The following WWOX variants were observed in gnomAD, a reference collection of about 807,000 sequenced individuals.
The protein encoded by WWOX is WW domain-containing oxidoreductase.
WWOX carries 69 observed loss-of-function variants against 46.2 expected under a neutral mutation model. The observed-to-expected ratio is 1.49, with a 90% confidence interval of 1.23 to 1.82. WWOX has a LOEUF of 1.82. Ranked by LOEUF, WWOX falls within the 40% of genes most tolerant of loss-of-function variation. WWOX has a pLI of 0.00. For synonymous variants in WWOX, 359 were observed against 202.6 expected (o/e 1.77, Z -6.56); for missense variants, 919 against 542.6 (o/e 1.69, Z -6.89).
intron 8 of WWOX, among the ~76,000 whole-genome samples, chr16:78,521,270 T>C (rs905190752): frequency 6.6e-6 from 1 of 152,330 alleles, no homozygotes; most frequent in African/African-American, 2.4e-5. Flanking sequence ...TTGCCCAGGC[T>C]GGTCTCTAAC....
chr16:78,286,564 C>T (rs1042324609), intron 5 of WWOX, among the ~76,000 whole-genome samples: 2 of 151,942 alleles, frequency 1.3e-5, no homozygotes, highest in African/African-American at 2.4e-5. Context: ...AAAATGTGAT[C>T]GTTGGATTCT....
chr16:78,408,675 A>C (rs1341017823), intron 6 of WWOX, among the ~76,000 whole-genome samples: 1 of 152,224 alleles, frequency 6.6e-6, no homozygotes, highest in Non-Finnish European at 1.5e-5. Context: ...GACCTTGTAA[A>C]AGGTCTTGGG....
At chr16:78,278,596 C>G (rs776903714) in intron 5 of WWOX, 1 of 1,607,396 alleles carries the variant, frequency 6.2e-7, no homozygotes, top group African/African-American at 1.3e-5. Flanking sequence ...TTGTTTGTAT[C>G]TTACAGAAAA....
chr16:78,965,035 C>T (rs1263347562), intron 8 of WWOX, among the ~76,000 whole-genome samples: 1 of 152,178 alleles, frequency 6.6e-6, no homozygotes, highest in African/African-American at 2.4e-5. Flanking sequence ...GATGCCCCAG[C>T]AAAAGTTTGC....
chr16:78,349,405 A>G (rs1278581130), intron 5 of WWOX, among the ~76,000 whole-genome samples: 1 of 121,314 alleles, frequency 8.2e-6, no homozygotes, highest in Admixed American at 8.0e-5. Context: ...GTTGGGGATG[A>G]GGCTATAACG....
intron 6 of WWOX, among the ~76,000 whole-genome samples, chr16:78,424,356 A>T (rs1395411305): frequency 6.6e-6 from 1 of 151,894 alleles, no homozygotes; most frequent in African/African-American, 2.4e-5. Flanking sequence ...CTGACCTAAA[A>T]TGGTCCACCT....
intron 8 of WWOX, among the ~76,000 whole-genome samples, chr16:79,170,977 T>G (rs1377697776): frequency 6.6e-6 from 1 of 152,172 alleles, no homozygotes; most frequent in African/African-American, 2.4e-5. Context: ...CTCCCCAATC[T>G]AAGAAAAATG....
chr16:78,795,864 A>C (rs1391628211), intron 8 of WWOX, among the ~76,000 whole-genome samples: 2 of 152,156 alleles, frequency 1.3e-5, no homozygotes, highest in African/African-American at 4.8e-5. Flanking sequence ...CAATAAATGC[A>C]ATAGATGTTG....
chr16:78,513,060 A>C (rs2085402088), intron 8 of WWOX, among the ~76,000 whole-genome samples: 1 of 152,162 alleles, frequency 6.6e-6, no homozygotes, highest in South Asian at 2.1e-4. Context: ...AGTTAAAGTT[A>C]AGTAGTAAAC....
chr16:78,248,601 C>T (rs114780070), intron 5 of WWOX, among the ~76,000 whole-genome samples: 86 of 151,896 alleles, frequency 5.7e-4, no homozygotes, highest in African/African-American at 1.9e-3. Flanking sequence ...CCAGGCGTGG[C>T]GGCACATACC....
At chr16:78,609,529 T>TC (rs2045847504) in intron 8 of WWOX, among the ~76,000 whole-genome samples, 1 of 151,654 alleles carries the variant, frequency 6.6e-6, no homozygotes, top group Non-Finnish European at 1.5e-5. Context: ...TTTTTTTTTT[T>TC]CTTTCTTTCT....
At chr16:78,532,803 C>A (rs2043654769) in intron 8 of WWOX, among the ~76,000 whole-genome samples, 1 of 152,130 alleles carries the variant, frequency 6.6e-6, no homozygotes, top group South Asian at 2.1e-4. Flanking sequence ...AGACCTGCCT[C>A]CATGATTCAG....
At chr16:79,062,675 T>C (rs1019044643) in intron 8 of WWOX, among the ~76,000 whole-genome samples, 1 of 152,164 alleles carries the variant, frequency 6.6e-6, no homozygotes, top group Non-Finnish European at 1.5e-5. Context: ...AAGTGACAGC[T>C]TCCTTTCCTA....
intron 8 of WWOX, among the ~76,000 whole-genome samples, chr16:79,081,907 C>G (rs1597357342): frequency 6.6e-6 from 1 of 152,148 alleles, no homozygotes; most frequent in South Asian, 2.1e-4. Context: ...GGCGAGTTCA[C>G]TCACAGTGAA....
At chr16:78,769,254 C>T (rs1039877252) in intron 8 of WWOX, among the ~76,000 whole-genome samples, 2 of 152,170 alleles carry the variant, frequency 1.3e-5, no homozygotes, top group African/African-American at 4.8e-5. Context: ...CGTGTAATGC[C>T]ACCTGGGAGT....
At chr16:78,679,315 C>G (rs1012549005) in intron 8 of WWOX, among the ~76,000 whole-genome samples, 2 of 152,154 alleles carry the variant, frequency 1.3e-5, no homozygotes, top group South Asian at 4.1e-4. Flanking sequence ...CTTTGGGAGG[C>G]CAAGGCGGGT....
chr16:79,121,246 T>A (rs995906171), intron 8 of WWOX, among the ~76,000 whole-genome samples: 1 of 152,216 alleles, frequency 6.6e-6, no homozygotes, highest in African/African-American at 2.4e-5. Context: ...GGGGCACTTT[T>A]CTGCCTACCA....
At chr16:78,570,511 C>T (rs1194007879) in intron 8 of WWOX, among the ~76,000 whole-genome samples, 1 of 151,952 alleles carries the variant, frequency 6.6e-6, no homozygotes, top group East Asian at 1.9e-4. Flanking sequence ...GATGCAGTAT[C>T]GCTTGTTGCT....
chr16:78,826,648 A>G (rs2151151500), intron 8 of WWOX, among the ~76,000 whole-genome samples: 1 of 152,304 alleles, frequency 6.6e-6, no homozygotes, highest in African/African-American at 2.4e-5. Flanking sequence ...ATCTCATGTC[A>G]AGATCCGTAA....
Sources: allele counts gnomAD v4.1 joint callset (sites outside exome capture counted in the v4.1 genomes callset), GRCh38; gene constraint gnomAD v4.1.1; transcripts MANE v1.5; gene names NCBI Gene and HGNC (gene_info 2026-07-23, HGNC 2026-07-21).